ERBB4: variants seen among roughly 807,000 people sequenced by gnomAD.
The protein encoded by ERBB4 is erb-b2 receptor tyrosine kinase 4, also known as receptor tyrosine-protein kinase erbB-4.
Under a neutral mutation model 158.0 loss-of-function variants are expected in ERBB4, and 42 were observed. The ratio of observed to expected loss-of-function variants is 0.27; its 90% CI spans 0.21 to 0.34. The LOEUF is 0.34. Among genes scored for constraint, ERBB4 ranks in the 10% least tolerant of loss-of-function variants. ERBB4 has a pLI of 1.00. For missense variants in ERBB4, 1,333 were observed against 1,624.1 expected, an observed-to-expected ratio of 0.82 and a Z score of 3.08; for synonymous variants, 583 against 558.7, an observed-to-expected ratio of 1.04 and a Z score of -0.61.
chr2:211,707,643 A>G (rs1183013124), intron 9 of ERBB4, among the ~76,000 whole-genome samples: 1 of 152,190 alleles, frequency 6.6e-6, no homozygotes, highest in East Asian at 1.9e-4. Flanking sequence ...ATGCACATCA[A>G]TAATGTAAAA....
intron 1 of ERBB4, among the ~76,000 whole-genome samples, chr2:212,475,632 A>G (rs1689349222): frequency 6.6e-6 from 1 of 152,172 alleles, no homozygotes; most frequent in Non-Finnish European, 1.5e-5. Flanking sequence ...TATGAGGGGA[A>G]GAAGTAGGAA....
At chr2:212,228,458 T>G (rs1284350005) in intron 1 of ERBB4, among the ~76,000 whole-genome samples, 4 of 152,178 alleles carry the variant, frequency 2.6e-5, no homozygotes, top group African/African-American at 9.6e-5. Context: ...AAATCACATA[T>G]TTCCAATAGA....
chr2:212,205,814 T>G (rs2082729129), intron 1 of ERBB4, among the ~76,000 whole-genome samples: 1 of 152,188 alleles, frequency 6.6e-6, no homozygotes, highest in African/African-American at 2.4e-5. Context: ...GAATCATGTT[T>G]TAAAAGCAAA....
intron 1 of ERBB4, among the ~76,000 whole-genome samples, chr2:212,316,730 G>A (rs1193115833): frequency 2.0e-5 from 3 of 151,426 alleles, no homozygotes; most frequent in Admixed American, 1.3e-4. Flanking sequence ...AAAATGGAGA[G>A]ATTTTTGAGT....
intron 2 of ERBB4, among the ~76,000 whole-genome samples, chr2:212,052,555 A>G (rs747467176): frequency 1.4e-4 from 22 of 152,204 alleles, no homozygotes; most frequent in South Asian, 2.1e-4. Context: ...ATTTTACTGA[A>G]TGTCTAAAAG....
intron 3 of ERBB4, among the ~76,000 whole-genome samples, chr2:211,855,732 A>G (rs2077840512): frequency 6.6e-6 from 1 of 152,146 alleles, no homozygotes; most frequent in Non-Finnish European, 1.5e-5. Flanking sequence ...CAGTAGTTTT[A>G]GTCCCCCAAA....
At chr2:211,629,739 G>T (rs1280106454) in intron 17 of ERBB4, among the ~76,000 whole-genome samples, 1 of 151,880 alleles carries the variant, frequency 6.6e-6, no homozygotes, top group Non-Finnish European at 1.5e-5. Flanking sequence ...CAGAAATAAT[G>T]CCGCCTATCT....
intron 1 of ERBB4, among the ~76,000 whole-genome samples, chr2:212,289,521 CT>C (rs765865835): frequency 2.0e-5 from 3 of 152,104 alleles, no homozygotes; most frequent in African/African-American, 4.8e-5. Flanking sequence ...TACAAGCAAA[CT>C]TTTATTTACT....
At chr2:211,646,098 G>C (rs2105868296) in intron 16 of ERBB4, among the ~76,000 whole-genome samples, 1 of 151,520 alleles carries the variant, frequency 6.6e-6, no homozygotes, top group South Asian at 2.1e-4. Flanking sequence ...ACTATTAAGT[G>C]AGTAAAGTAA....
At chr2:212,099,304 C>T (rs2079017554) in intron 2 of ERBB4, among the ~76,000 whole-genome samples, 1 of 149,800 alleles carries the variant, frequency 6.7e-6, no homozygotes, top group Admixed American at 6.6e-5. Context: ...ATTCCTGAAA[C>T]TTCTTCTTGA....
chr2:211,848,101 T>C (rs939642503), intron 3 of ERBB4, among the ~76,000 whole-genome samples: 1 of 152,100 alleles, frequency 6.6e-6, no homozygotes. Flanking sequence ...ATCCTCTATT[T>C]AATTTCCTAT....
intron 20 of ERBB4, among the ~76,000 whole-genome samples, chr2:211,542,598 A>G (rs1217734608): frequency 6.6e-6 from 1 of 152,034 alleles, no homozygotes; most frequent in Non-Finnish European, 1.5e-5. Context: ...AAAAATTTGT[A>G]TTTTAAATTT....
intron 20 of ERBB4, among the ~76,000 whole-genome samples, chr2:211,438,990 GTGTGT>G (rs2063916321): frequency 2.4e-5 from 1 of 42,362 alleles, no homozygotes; most frequent in African/African-American, 3.7e-4. Flanking sequence ...ATATATTTGA[GTGTGT>G]GTGTGTGTGT....
chr2:212,058,921 G>C (rs930039575), intron 2 of ERBB4, among the ~76,000 whole-genome samples: 10 of 152,156 alleles, frequency 6.6e-5, no homozygotes, highest in Non-Finnish European at 1.2e-4. Context: ...ATTCAACGTA[G>C]TGTTGGAAGT....
chr2:211,652,382 G>C (rs1220917149), intron 16 of ERBB4, among the ~76,000 whole-genome samples: 1 of 152,120 alleles, frequency 6.6e-6, no homozygotes, highest in East Asian at 1.9e-4. Context: ...TTATTTATTG[G>C]ACTTAAGGAT....
At chr2:212,284,239 C>G (rs946084822) in intron 1 of ERBB4, among the ~76,000 whole-genome samples, 1 of 152,076 alleles carries the variant, frequency 6.6e-6, no homozygotes, top group Non-Finnish European at 1.5e-5. Context: ...TCCTTTTCTT[C>G]TCTGCACAAA....
Position 212,321,650 on chromosome 2 carries a change from T to C in ERBB4, c.83-196747A>G, listed in dbSNP as rs112185591. ...GCTGCAATAAACTAGGATTGTACCA[T>C]TGCACTCCAGCCTGGGCAAGAGAGC... On this transcript the variant is annotated intron_variant, in intron 1 of 27. Coordinates refer to ENST00000342788, the MANE Select transcript of ERBB4 (RefSeq NM_005235.3). Among the ~76,000 whole-genome samples the C allele has an allele frequency of 5.5e-3, 831 of 150,642 alleles. 45 individuals carry two copies. The highest frequency in any genetic ancestry group is 0.017 in the Middle Eastern group (5 of 294).
At chr2:212,058,999 T>G (rs2077673147) in intron 2 of ERBB4, among the ~76,000 whole-genome samples, 1 of 152,174 alleles carries the variant, frequency 6.6e-6, no homozygotes, top group African/African-American at 2.4e-5. Flanking sequence ...GGAAGTCAAA[T>G]TGTCCCTGTT....
chr2:211,377,094 A>G lies in ERBB4; in HGVS notation c.*6521T>C. 1 of 232,992 alleles carries G rather than the reference A, an allele frequency of 4.3e-6. No homozygotes were observed. The highest frequency in any genetic ancestry group is 6.0e-5 in the East Asian group (1 of 16,544). The allele number at this position is 232,992 out of a possible 1,614,324, so 14.4% of individuals were successfully genotyped here. A position where few individuals can be genotyped will look rare whatever the true frequency, so the allele number is the denominator to read the frequency against. On this transcript the variant is annotated 3_prime_UTR_variant, in exon 28 of 28. Transcript: ENST00000342788. ...ATCCCAAAAGGGTTCTTGGAGTGCT[A>G]TGGTTGTAGTCCCCTCACTCCCCCC...
Sources: gnomAD v4.1 joint callset for allele counts (sites outside exome capture counted in the v4.1 genomes callset) on GRCh38, gnomAD v4.1.1 for gene constraint, MANE v1.5 for transcripts, NCBI Gene and HGNC (gene_info 2026-07-23, HGNC 2026-07-21) for gene names.